ZDHHC11: variants seen among roughly 807,000 people sequenced by gnomAD.
ZDHHC11 encodes palmitoyltransferase ZDHHC11.
A neutral mutation model predicts 51.3 loss-of-function variants in ZDHHC11; 44 were observed. The observed-to-expected ratio is 0.86, with a 90% confidence interval of 0.67 to 1.10. The LOEUF is 1.10. Among genes scored for constraint, ZDHHC11 ranks in the 50% least tolerant of loss-of-function variants. The pLI is 0.00. For missense variants in ZDHHC11, 400 were observed against 537.7 expected (o/e 0.74, Z 2.53); for synonymous variants, 163 against 222.0 (o/e 0.73, Z 2.36).
intron 8 of ZDHHC11, among the ~76,000 whole-genome samples, 162 bp from the exon 9 acceptor site, chr5:822,057 A>C (rs56246496): frequency 0.038 from 5,755 of 151,512 alleles, 317 homozygotes; most frequent in Non-Finnish European, 0.056. Context: ...GACACAGCAC[A>C]CTTCCTCCCA....
Position 837,440 on chromosome 5 carries a change from G to A in ZDHHC11, c.825C>T (p.Asn275=). ...GATGTTTTGAACTCTCTTCTTTGCG[G>A]TTATTAATGAGATACTCAAAGGTGG... ...KMTTFEYLIN[N]RKEESSKHQA... Residue 275 remains asparagine (N), a synonymous_variant, in exon 6 of 13, where the codon AAC becomes AAT. Coordinates refer to ENST00000283441, the MANE Select transcript of ZDHHC11 (RefSeq NM_024786.3). The A allele has an allele frequency of 1.9e-6, 3 of 1,611,412 alleles. No individual in the cohort carries two copies. Among genetic ancestry groups the A allele is most frequent in the Non-Finnish European group, 2.5e-6 (3 of 1,177,992 alleles).
intron 6 of ZDHHC11, among the ~76,000 whole-genome samples, chr5:835,429 ACT>A (rs1439401769): frequency 6.6e-6 from 1 of 151,674 alleles, no homozygotes; most frequent in Non-Finnish European, 1.5e-5. Flanking sequence ...TCGGTGCCAC[ACT>A]GTTTTTATTA....
At chr5:810,386 T>A (rs1340348975) in intron 11 of ZDHHC11, among the ~76,000 whole-genome samples, 1 of 150,780 alleles carries the variant, frequency 6.6e-6, no homozygotes, top group South Asian at 2.1e-4. Flanking sequence ...CCCTTCGACA[T>A]CCCACAGCAA....
rs1210398306 is a variant in ZDHHC11 at position 830,166 on chromosome 5, T to C, written c.935+3607A>G. On this transcript the variant is annotated intron_variant, in intron 7 of 12. Coordinates refer to ENST00000283441, the MANE Select transcript of ZDHHC11 (RefSeq NM_024786.3). ...AATCAGAGAAGAGAAAGAAAAAGCA[T>C]CCAAATTGGTAAACAGGAAGTCAAA... Among the ~76,000 whole-genome samples, 8 of 120,116 alleles carry C rather than the reference T, an allele frequency of 6.7e-5. No individual in the cohort carries two copies. In the East Asian group the frequency reaches 1.7e-3, roughly 25 times the overall value. The allele number at this position is 120,116 out of a possible 152,430, so 78.8% of individuals were successfully genotyped here.
intron 7 of ZDHHC11, 41 bp from the exon 8 acceptor site, chr5:825,292 T>C: frequency 6.3e-7 from 1 of 1,596,512 alleles, no homozygotes; most frequent in Non-Finnish European, 8.6e-7. Flanking sequence ...ATCTCAGCTT[T>C]GTAGGGGGAC....
At chr5:815,660 C>G (rs761322224) in intron 10 of ZDHHC11, among the ~76,000 whole-genome samples, 1 of 151,544 alleles carries the variant, frequency 6.6e-6, no homozygotes, top group Non-Finnish European at 1.5e-5. Flanking sequence ...TAAGTACCTA[C>G]TCAGCATCAG....
upstream of ZDHHC11, among the ~76,000 whole-genome samples, chr5:859,463 C>A (rs950354140): frequency 6.6e-6 from 1 of 152,096 alleles, no homozygotes; most frequent in Non-Finnish European, 1.5e-5. Context: ...AAAAAAAACA[C>A]CTAAAACCCC....
At position 805,846 on chromosome 5, in the gene ZDHHC11, C is replaced by T. The variant is rs1264574843; in HGVS notation, c.1182-4682G>A. Among the ~76,000 whole-genome samples, 7 of 151,128 alleles carry T rather than the reference C, an allele frequency of 4.6e-5. No individual in the cohort carries two copies. The South Asian group carries it at 6.3e-4, about 14-fold the overall frequency. On this transcript the variant is annotated intron_variant, in intron 11 of 12. Transcript: ENST00000283441. ...CCTTACTGAGTAATAGAGAAGCTCC[C>T]GGGCCCTGAGATATGGAGGGTCCCA...
chr5:802,871 A>AAAAAAAAAAAAAAAAAAAAAC (rs1561228376), intron 11 of ZDHHC11, among the ~76,000 whole-genome samples: 2 of 114,246 alleles, frequency 1.8e-5, no homozygotes, highest in Admixed American at 9.5e-5. Flanking sequence ...AAAAAAAAAA[A>AAAAAAAAAAAAAAAAAAAAAC]AAAGCTAAAT....
At chr5:828,536 T>A (rs1272049557) in intron 7 of ZDHHC11, among the ~76,000 whole-genome samples, 2 of 151,256 alleles carry the variant, frequency 1.3e-5, no homozygotes, top group Non-Finnish European at 3.0e-5. Context: ...ATGAGACTGA[T>A]GAAAACACAA....
chr5:801,379 C>A (rs1358359617), intron 11 of ZDHHC11, among the ~76,000 whole-genome samples: 1 of 151,798 alleles, frequency 6.6e-6, no homozygotes, highest in Non-Finnish European at 1.5e-5. Flanking sequence ...TTTTCTTCTG[C>A]ATGTGTGCTG....
upstream of ZDHHC11, among the ~76,000 whole-genome samples, chr5:855,432 G>A (rs1359214094): frequency 1.4e-5 from 2 of 145,538 alleles, no homozygotes; most frequent in African/African-American, 5.2e-5. Flanking sequence ...CCCCATAGAG[G>A]ACAGCGAGCC....
intron 12 of ZDHHC11, among the ~76,000 whole-genome samples, chr5:797,654 A>C (rs527665718): frequency 1.3e-5 from 2 of 151,622 alleles, no homozygotes; most frequent in African/African-American, 4.8e-5. Context: ...AATTTAAAAA[A>C]TAGTTTTCTG....
At chr5:813,715 A>G (rs1488968320) in intron 11 of ZDHHC11, among the ~76,000 whole-genome samples, 1 of 149,126 alleles carries the variant, frequency 6.7e-6, no homozygotes, top group Non-Finnish European at 1.5e-5. Context: ...CCCAGAGAGC[A>G]CGGGGCTGTT....
At chr5:835,001 G>C (rs1284308840) in intron 6 of ZDHHC11, among the ~76,000 whole-genome samples, 1 of 151,854 alleles carries the variant, frequency 6.6e-6, no homozygotes, top group Non-Finnish European at 1.5e-5. Context: ...GACTTTTGAA[G>C]AGCAAATATT....
At chr5:857,317 C>G (rs960472745) in intron 1 of ZDHHC11, among the ~76,000 whole-genome samples, 2 of 152,166 alleles carry the variant, frequency 1.3e-5, no homozygotes, top group Admixed American at 1.3e-4. Flanking sequence ...TGGAGACAGC[C>G]CCCTTCTCAG....
rs1224365498 is a variant in ZDHHC11 at position 850,326 on chromosome 5, G to A, written c.222+55C>T. On this transcript the variant is annotated intron_variant, in intron 1 of 12. Coordinates refer to ENST00000283441, the MANE Select transcript of ZDHHC11 (RefSeq NM_024786.3). ...CCCAGACCCCACAGCCAGGTCCATC[G>A]CAAGTTCCTCCAGGAACCCCTCCCG... is the stretch of plus-strand genomic sequence containing the variant. 59 of 1,571,464 alleles carry A rather than the reference G, an allele frequency of 3.8e-5. 1 individual carries two copies. The highest frequency in any genetic ancestry group is 2.9e-4 in the South Asian group (25 of 86,346).
At chr5:822,908 G>A (rs753671875) in intron 8 of ZDHHC11, among the ~76,000 whole-genome samples, 50 of 151,030 alleles carry the variant, frequency 3.3e-4, no homozygotes, top group African/African-American at 1.1e-3. Context: ...ATGATGTTGA[G>A]CACCATTTTG....
At chr5:854,689 GAC>G (rs1340722340), upstream of ZDHHC11, among the ~76,000 whole-genome samples, 154 of 150,848 alleles carry the variant, frequency 1.0e-3, 1 homozygote, top group Admixed American at 1.5e-3. Context: ...TCCCATGGAG[GAC>G]AGCAAGCCGG....
Sources: allele counts gnomAD v4.1 joint callset (sites outside exome capture counted in the v4.1 genomes callset), GRCh38; gene constraint gnomAD v4.1.1; transcripts MANE v1.5; gene names NCBI Gene and HGNC (gene_info 2026-07-23, HGNC 2026-07-21).